NRXN1: variants seen among roughly 807,000 people sequenced by gnomAD.
NRXN1 encodes neurexin-1.
A neutral mutation model predicts 150.9 loss-of-function variants in NRXN1; 39 were observed. That is an observed-to-expected ratio of 0.26 (90% CI 0.20 to 0.34). The LOEUF is 0.34. Among genes scored for constraint, NRXN1 ranks in the 10% least tolerant of loss-of-function variants. The pLI, the probability that NRXN1 is intolerant of heterozygous loss-of-function variation, is 1.00. For synonymous variants in NRXN1, 924 were observed against 757.0 expected, an observed-to-expected ratio of 1.22 and a Z score of -3.62; for missense variants, 1,815 against 1,949.9, an observed-to-expected ratio of 0.93 and a Z score of 1.30.
intron 12 of NRXN1, among the ~76,000 whole-genome samples, chr2:50,522,226 A>G (rs928575349): frequency 1.3e-5 from 2 of 152,028 alleles, no homozygotes; most frequent in Non-Finnish European, 2.9e-5. Context: ...TATAAAAGAA[A>G]CTCCCTTTTC....
chr2:50,623,826 T>C (rs1680500118), intron 5 of NRXN1, among the ~76,000 whole-genome samples: 1 of 152,106 alleles, frequency 6.6e-6, no homozygotes, highest in South Asian at 2.1e-4. Context: ...AGGGTACATG[T>C]GCACAATGTG....
At chr2:50,883,008 A>C (rs985306065) in intron 5 of NRXN1, among the ~76,000 whole-genome samples, 1 of 151,886 alleles carries the variant, frequency 6.6e-6, no homozygotes, top group African/African-American at 2.4e-5. Context: ...AGCGAATGTT[A>C]ACACAAAATA....
intron 5 of NRXN1, among the ~76,000 whole-genome samples, chr2:50,665,448 T>C (rs1687892357): frequency 6.6e-6 from 1 of 151,890 alleles, no homozygotes; most frequent in Non-Finnish European, 1.5e-5. Context: ...TTTTCTGAAA[T>C]TCCCCTACTA....
At chr2:50,662,295 C>T (rs1282813970) in intron 5 of NRXN1, among the ~76,000 whole-genome samples, 3 of 151,942 alleles carry the variant, frequency 2.0e-5, no homozygotes, top group Non-Finnish European at 2.9e-5. Context: ...TGTTTTGAAA[C>T]ATACAGAAAT....
At chr2:50,062,704 T>C (rs927931185) in intron 19 of NRXN1, among the ~76,000 whole-genome samples, 11 of 152,176 alleles carry the variant, frequency 7.2e-5, no homozygotes, top group African/African-American at 2.7e-4. Flanking sequence ...CATATTGTTA[T>C]AACTATCGAT....
chr2:50,754,393 C>A (rs940747053), intron 5 of NRXN1, among the ~76,000 whole-genome samples: 2 of 151,768 alleles, frequency 1.3e-5, no homozygotes, highest in Non-Finnish European at 2.9e-5. Flanking sequence ...AAGTGAGATG[C>A]AGAATCAACT....
At chr2:50,485,280 C>T (rs2090785539) in intron 15 of NRXN1, among the ~76,000 whole-genome samples, 1 of 152,188 alleles carries the variant, frequency 6.6e-6, no homozygotes, top group Non-Finnish European at 1.5e-5. Flanking sequence ...AGGTGAAATA[C>T]TGGTTCTAAG....
rs199799992 is a variant in NRXN1, at chr2:50,855,296, G to T, written c.832+66573C>A. Among the ~76,000 whole-genome samples the T allele has an allele frequency of 7.9e-5, 12 of 152,014 alleles. No individual in the cohort carries two copies. In the East Asian group the frequency reaches 2.3e-3, roughly 29 times the overall value. ...CTTTAACTTTATACAAGCAATGAAC[G>T]TATGTTTCAAATATGCAAATTAAAT... On this transcript the variant is annotated intron_variant, in intron 5 of 22. Coordinates refer to ENST00000401669, the MANE Select transcript of NRXN1 (RefSeq NM_001330078.2).
intron 17 of NRXN1, among the ~76,000 whole-genome samples, chr2:50,356,229 C>G (rs543784886): frequency 2.0e-4 from 30 of 152,212 alleles, no homozygotes; most frequent in Non-Finnish European, 3.4e-4. Context: ...TATAGCAAAA[C>G]TTATCATCTA....
intron 5 of NRXN1, among the ~76,000 whole-genome samples, chr2:50,774,502 T>C (rs762498231): frequency 6.6e-6 from 1 of 152,206 alleles, no homozygotes; most frequent in Non-Finnish European, 1.5e-5. Context: ...TATTAGCTGA[T>C]TGTGAATCAC....
At chr2:50,819,254 G>A (rs772718085) in intron 5 of NRXN1, among the ~76,000 whole-genome samples, 1 of 152,118 alleles carries the variant, frequency 6.6e-6, no homozygotes, top group East Asian at 1.9e-4. Flanking sequence ...AGCATTACTC[G>A]CAATAGCCAA....
chr2:50,882,038 C>A (rs555365493), intron 5 of NRXN1, among the ~76,000 whole-genome samples: 1 of 151,726 alleles, frequency 6.6e-6, no homozygotes, highest in African/African-American at 2.4e-5. Context: ...TTGCAAATAA[C>A]TACTTTTCAA....
chr2:50,213,364 G>T lies in NRXN1; in HGVS notation c.3546+23425C>A, dbSNP rs1035149811. Among the ~76,000 whole-genome samples, 48 of 151,850 alleles carry T rather than the reference G, an allele frequency of 3.2e-4. 3 individuals carry two copies. On this transcript the variant is annotated intron_variant, in intron 18 of 22. Transcript: ENST00000401669. ...TAGAATGAAGGAATAAAAGCTATGT[G>T]ACTAAGGATATAAGAAAAGACAGGA...
chr2:50,944,253 T>A (rs928770580), intron 2 of NRXN1, among the ~76,000 whole-genome samples: 4 of 152,112 alleles, frequency 2.6e-5, no homozygotes, highest in African/African-American at 7.2e-5. Context: ...TAGGCACTGG[T>A]TACACAAATT....
intron 2 of NRXN1, among the ~76,000 whole-genome samples, chr2:50,996,000 G>C (rs187597575): frequency 2.5e-4 from 38 of 152,100 alleles, no homozygotes; most frequent in Non-Finnish European, 1.5e-5. Context: ...TCCAAATGTT[G>C]GTCAATGAGG....
chr2:50,198,273 A>C (rs754692731), intron 18 of NRXN1, among the ~76,000 whole-genome samples: 3 of 152,154 alleles, frequency 2.0e-5, no homozygotes, highest in Non-Finnish European at 4.4e-5. Context: ...CATTTAGATA[A>C]TTAAATAGGA....
intron 5 of NRXN1, among the ~76,000 whole-genome samples, chr2:50,664,569 A>AT (rs1395091136): frequency 4.0e-5 from 6 of 151,770 alleles, no homozygotes; most frequent in Non-Finnish European, 8.8e-5. Context: ...AAAGCCCTTG[A>AT]TTCGCTTGAA....
chr2:50,324,666 C>G (rs1010728197), intron 17 of NRXN1, among the ~76,000 whole-genome samples: 3 of 152,162 alleles, frequency 2.0e-5, no homozygotes, highest in Non-Finnish European at 2.9e-5. Flanking sequence ...CTCAGCCTCC[C>G]GAGTAGCTGG....
At chr2:50,951,959 A>T (rs1172286362) in intron 2 of NRXN1, among the ~76,000 whole-genome samples, 215 of 97,554 alleles carry the variant, frequency 2.2e-3, no homozygotes, top group South Asian at 4.6e-3. Context: ...ATATATATAT[A>T]TATATTTTTT....
Sources: allele counts gnomAD v4.1 joint callset (sites outside exome capture counted in the v4.1 genomes callset), GRCh38; gene constraint gnomAD v4.1.1; transcripts MANE v1.5; gene names NCBI Gene and HGNC (gene_info 2026-07-23, HGNC 2026-07-21).